The following AKT3 variants were observed in gnomAD, a reference collection of about 807,000 sequenced individuals.
AKT3 encodes RAC-gamma serine/threonine-protein kinase.
A neutral mutation model predicts 65.3 loss-of-function variants in AKT3; 15 were observed. That is an observed-to-expected ratio of 0.23 (90% CI 0.15 to 0.35). AKT3 has a LOEUF of 0.35. Among genes scored for constraint, AKT3 ranks in the 10% least tolerant of loss-of-function variants. The pLI, the probability that AKT3 is intolerant of heterozygous loss-of-function variation, is 1.00. For missense variants in AKT3, 243 were observed against 576.5 expected (o/e 0.42, Z 5.92); for synonymous variants, 206 against 183.8 (o/e 1.12, Z -0.98).
At chr1:243,698,043 CAT>C (rs768786707) in intron 2 of AKT3, among the ~76,000 whole-genome samples, 120 of 152,164 alleles carry the variant, frequency 7.9e-4, no homozygotes, top group Non-Finnish European at 1.5e-3. Flanking sequence ...TTAATAAGCA[CAT>C]GACTTAATAA....
intron 10 of AKT3, among the ~76,000 whole-genome samples, chr1:243,560,226 T>C (rs1488063672): frequency 6.6e-5 from 10 of 152,140 alleles, no homozygotes; most frequent in South Asian, 2.1e-4. Flanking sequence ...CTGTTTTCCA[T>C]GTCTTATCAC....
intron 11 of AKT3, among the ~76,000 whole-genome samples, chr1:243,548,936 G>A (rs1056209196): frequency 2.0e-5 from 3 of 152,136 alleles, no homozygotes; most frequent in African/African-American, 7.2e-5. Context: ...ATGAAGAGGT[G>A]TATTATAATG....
chr1:243,505,105 AGGTGGCGAGG>A lies in AKT3; in HGVS notation c.*134_*143del, dbSNP rs550667375. 5.5e-4 allele frequency: 358 copies of A among 648,322 alleles called. No homozygotes were observed. The highest frequency in any genetic ancestry group is 5.2e-3 in the African/African-American group (286 of 55,012). The allele number at this position is 648,322 out of a possible 1,614,324, so 40.2% of individuals were successfully genotyped here. ...GTATGTGTGTTTTCATGAGGGTGAAAGGTGGCGAGGGGTGAGGACCCTTGGCTGGTCTGGG... is the reference window on the plus strand; with the variant it reads ...GTATGTGTGTTTTCATGAGGGTGAAAGGTGAGGACCCTTGGCTGGTCTGGG... On this transcript the variant is annotated 3_prime_UTR_variant, in exon 14 of 14. Coordinates refer to ENST00000673466, the MANE Select transcript of AKT3 (RefSeq NM_005465.7).
intron 2 of AKT3, among the ~76,000 whole-genome samples, chr1:243,757,535 T>C (rs1689212782): frequency 6.6e-6 from 1 of 151,946 alleles, no homozygotes; most frequent in African/African-American, 2.4e-5. Context: ...GGAGAATCGC[T>C]TGAACCCGGG....
At chr1:243,544,282 C>A (rs985329964) in intron 12 of AKT3, among the ~76,000 whole-genome samples, 1 of 143,336 alleles carries the variant, frequency 7.0e-6, no homozygotes, top group Non-Finnish European at 1.5e-5. Flanking sequence ...GAGGGGGGGA[C>A]AGACATAATA....
intron 12 of AKT3, among the ~76,000 whole-genome samples, chr1:243,535,530 A>G (rs1671866690): frequency 1.3e-5 from 2 of 152,192 alleles, no homozygotes; most frequent in South Asian, 2.1e-4. Context: ...AGTTCCATCT[A>G]TATGCTGCAG....
intron 13 of AKT3, among the ~76,000 whole-genome samples, chr1:243,511,681 A>G (rs938703072): frequency 1.3e-5 from 2 of 152,204 alleles, no homozygotes; most frequent in African/African-American, 2.4e-5. Flanking sequence ...ATGTTTATCA[A>G]TTATGTCTGA....
At chr1:243,673,126 T>C (rs1488551729) in intron 3 of AKT3, among the ~76,000 whole-genome samples, 4 of 152,232 alleles carry the variant, frequency 2.6e-5, no homozygotes, top group Non-Finnish European at 5.9e-5. Context: ...ACATGAAATG[T>C]ACCATTTTAA....
intron 8 of AKT3, among the ~76,000 whole-genome samples, chr1:243,590,898 G>T (rs1676179343): frequency 6.6e-6 from 1 of 152,158 alleles, no homozygotes; most frequent in Non-Finnish European, 1.5e-5. Flanking sequence ...CAGATCTACA[G>T]TTGCCCAGGA....
intron 13 of AKT3, among the ~76,000 whole-genome samples, chr1:243,494,633 C>T (rs73120374): frequency 2.9e-3 from 445 of 152,320 alleles, no homozygotes; most frequent in African/African-American, 0.01. Flanking sequence ...ACTTGCTCTT[C>T]CGTTAACAGT....
intron 2 of AKT3, among the ~76,000 whole-genome samples, chr1:243,705,136 A>G (rs976178749): frequency 3.3e-5 from 5 of 152,244 alleles, no homozygotes; most frequent in Non-Finnish European, 5.9e-5. Flanking sequence ...TGCATAATGC[A>G]TGAACTTGTC....
intron 2 of AKT3, among the ~76,000 whole-genome samples, chr1:243,713,958 GA>G (rs932771631): frequency 6.0e-5 from 9 of 150,528 alleles, no homozygotes; most frequent in African/African-American, 2.2e-4. Flanking sequence ...TATGCTAAGG[GA>G]AAAAAAAACT....
At chr1:243,598,201 C>G (rs1206231411) in intron 8 of AKT3, among the ~76,000 whole-genome samples, 1 of 152,048 alleles carries the variant, frequency 6.6e-6, no homozygotes, top group East Asian at 1.9e-4. Context: ...TCAGAAATAC[C>G]TCTCAAAAAA....
chr1:243,692,114 A>T (rs1271901116), intron 3 of AKT3, among the ~76,000 whole-genome samples: 1 of 152,162 alleles, frequency 6.6e-6, no homozygotes, highest in Non-Finnish European at 1.5e-5. Context: ...TCATGACATG[A>T]TCTCCCAAAA....
At position 243,698,161 on chromosome 1, in the gene AKT3, T is replaced by C. The variant is rs181247073; in HGVS notation, c.47-2445A>G. Among the ~76,000 whole-genome samples the C allele has an allele frequency of 2.2e-3, 332 of 152,164 alleles. 3 individuals are homozygous for C. Among genetic ancestry groups the C allele is most frequent in the Admixed American group, 3.2e-3 (49 of 15,278 alleles). ...TTTTTCCATTTCATTTATTCCTATA[T>C]AAAATTCAAAATCATTAGGTATTAA... is the stretch of plus-strand genomic sequence containing the variant. On this transcript the variant is annotated intron_variant, in intron 2 of 13. Transcript: ENST00000673466.
intron 2 of AKT3, among the ~76,000 whole-genome samples, chr1:243,701,664 G>T (rs1244554063): frequency 8.8e-5 from 2 of 22,710 alleles, no homozygotes; most frequent in Admixed American, 5.2e-4. Context: ...AAGAAAAAAT[G>T]CAAAAAAAAA....
chr1:243,645,838 T>A, intron 5 of AKT3, 55 bp downstream of exon 5: 11 of 1,472,284 alleles, frequency 7.5e-6, no homozygotes, highest in Non-Finnish European at 1.0e-5. Flanking sequence ...TAGCTTTTAA[T>A]ATGTTTCTTC....
chr1:243,638,814 C>T (rs1680165679), intron 5 of AKT3, among the ~76,000 whole-genome samples: 1 of 150,090 alleles, frequency 6.7e-6, no homozygotes, highest in South Asian at 2.1e-4. Context: ...TTTCAGTTTC[C>T]ACCTTAACAA....
chr1:243,611,099 T>TA (rs938182696), intron 8 of AKT3, among the ~76,000 whole-genome samples: 1 of 152,204 alleles, frequency 6.6e-6, no homozygotes, highest in Non-Finnish European at 1.5e-5. Context: ...GATACTGATG[T>TA]AAGAGGTTTC....
Sources: allele counts gnomAD v4.1 joint callset (sites outside exome capture counted in the v4.1 genomes callset), GRCh38; gene constraint gnomAD v4.1.1; transcripts MANE v1.5; gene names NCBI Gene and HGNC (gene_info 2026-07-23, HGNC 2026-07-21).